Variants in RBFOX3 observed in about 807,000 individuals in gnomAD.
RBFOX3 encodes RNA binding protein fox-1 homolog 3.
RBFOX3 carries 17 observed loss-of-function variants against 48.7 expected under a neutral mutation model. The ratio of observed to expected loss-of-function variants is 0.35; its 90% CI spans 0.24 to 0.52. RBFOX3 has a LOEUF of 0.52. Among genes scored for constraint, RBFOX3 ranks in the 20% least tolerant of loss-of-function variants. The pLI, the probability that RBFOX3 is intolerant of heterozygous loss-of-function variation, is 0.94. For missense variants in RBFOX3, 382 were observed against 497.5 expected, an observed-to-expected ratio of 0.77 and a Z score of 2.21; for synonymous variants, 212 against 209.5, an observed-to-expected ratio of 1.01 and a Z score of -0.10.
intron 4 of RBFOX3, among the ~76,000 whole-genome samples, chr17:79,232,707 A>G (rs1567886348): frequency 6.6e-6 from 1 of 151,654 alleles, no homozygotes; most frequent in African/African-American, 2.4e-5. Context: ...GCGAAAAAAA[A>G]TCTCTTTACT....
chr17:79,267,263 G>A (rs985480037), intron 3 of RBFOX3, among the ~76,000 whole-genome samples: 4 of 152,118 alleles, frequency 2.6e-5, no homozygotes, highest in Admixed American at 2.0e-4. Context: ...ACTCTTTGGC[G>A]GGTCGCTGAA....
chr17:79,589,045 G>A (rs1245154843), intron 1 of RBFOX3, among the ~76,000 whole-genome samples: 1 of 151,842 alleles, frequency 6.6e-6, no homozygotes, highest in Non-Finnish European at 1.5e-5. Context: ...CTTGGACCTG[G>A]GCCATATAGT....
the RBFOX3 span, among the ~76,000 whole-genome samples, chr17:79,630,375 T>A: frequency 5.9e-5 from 9 of 152,160 alleles, no homozygotes; most frequent in South Asian, 1.9e-3. Flanking sequence ...ATTGTTGCTG[T>A]TGTTTTTATT....
intron 2 of RBFOX3, among the ~76,000 whole-genome samples, chr17:79,379,552 C>T (rs2059628898): frequency 6.6e-6 from 1 of 152,136 alleles, no homozygotes; most frequent in South Asian, 2.1e-4. Flanking sequence ...TCATTTTAAC[C>T]AGAGAGAATT....
At chr17:79,437,600 T>C (rs1244201188) in intron 2 of RBFOX3, among the ~76,000 whole-genome samples, 1 of 152,136 alleles carries the variant, frequency 6.6e-6, no homozygotes, top group Admixed American at 6.5e-5. Context: ...GATAGATCCA[T>C]GTGGGGATGG....
At chr17:79,112,918 G>GGGGGGGGGGGGC (rs2032478069) in intron 5 of RBFOX3, among the ~76,000 whole-genome samples, 2 of 86,486 alleles carry the variant, frequency 2.3e-5, no homozygotes, top group African/African-American at 4.8e-5. Flanking sequence ...GGGGGGGTGG[G>GGGGGGGGGGGGC]CTGGGTAGGA....
chr17:79,258,639 G>A (rs1007840371), intron 3 of RBFOX3, among the ~76,000 whole-genome samples: 1 of 152,214 alleles, frequency 6.6e-6, no homozygotes, highest in Non-Finnish European at 1.5e-5. Context: ...GTGGGACAGG[G>A]AACGTGGCGA....
rs1052201550 is a variant in RBFOX3 at position 79,243,202 on chromosome 17, G to T, written c.-73-7397C>A. Among the ~76,000 whole-genome samples the T allele has an allele frequency of 9.9e-5, 15 of 152,024 alleles. No individual in the cohort carries two copies. The highest frequency in any genetic ancestry group is 2.1e-4 in the South Asian group (1 of 4,830). On this transcript the variant is annotated intron_variant, in intron 3 of 14. Coordinates refer to ENST00000693108, the MANE Select transcript of RBFOX3 (RefSeq NM_001350451.2). This position sits in a 1 kb window ranked among gnomAD's most constrained non-coding sequence, Gnocchi z 7.9. ...TGGTAGCGGTTGCAGCTGAGTTTGC[G>T]CGAGACCCACCTGACCACAACCTTG...
intron 1 of RBFOX3, chr17:79,602,050 CCTT>C (rs2093716703): frequency 6.6e-6 from 1 of 152,342 alleles, no homozygotes; most frequent in African/African-American, 2.4e-5. Context: ...CTAGGTGTAT[CCTT>C]CTCAGCTGTC....
At chr17:79,660,598 T>C in the RBFOX3 span, among the ~76,000 whole-genome samples, 1 of 152,028 alleles carries the variant, frequency 6.6e-6, no homozygotes, top group Non-Finnish European at 1.5e-5. Context: ...CAACAAGACT[T>C]CTTCTCACAC....
rs149909825 is a variant in RBFOX3, at chr17:79,425,713, C to T, written c.-175+56741G>A. Among the ~76,000 whole-genome samples the T allele has an allele frequency of 4.5e-4, 69 of 152,218 alleles. 1 individual carries two copies. In the East Asian group the frequency reaches 0.013, roughly 28 times the overall value. On this transcript the variant is annotated intron_variant, in intron 2 of 14. Coordinates refer to ENST00000693108, the MANE Select transcript of RBFOX3 (RefSeq NM_001350451.2). ...AAGACAGGAGGGCCACGAATTCCGA[C>T]TTAGAAGGCGGCAAGAGCAGAGGGA... is the stretch of plus-strand genomic sequence containing the variant.
rs2066759993 is a variant in RBFOX3, at chr17:79,423,275, G to A, written c.-175+59179C>T. Among the ~76,000 whole-genome samples the A allele has an allele frequency of 6.6e-6, 1 of 152,172 alleles. No individual in the cohort carries two copies. The highest frequency in any genetic ancestry group is 1.5e-5 in the Non-Finnish European group (1 of 68,026). ...GGTACAAGTTCGTGGCATTGTCCTG[G>A]ATTCCTTGACCGTCCTCGCCACGCC... On this transcript the variant is annotated intron_variant, in intron 2 of 14. Transcript: ENST00000693108. The surrounding 1 kb of genome is among the most constrained non-coding windows in gnomAD (Gnocchi z 4.9).
chr17:79,262,181 G>T (rs901296933), intron 3 of RBFOX3, among the ~76,000 whole-genome samples: 7 of 152,390 alleles, frequency 4.6e-5, no homozygotes, highest in African/African-American at 1.4e-4. Flanking sequence ...ACACAATGTG[G>T]CTAAGCGGCG....
At chr17:79,257,125 A>G (rs949872414) in intron 3 of RBFOX3, among the ~76,000 whole-genome samples, 9 of 152,062 alleles carry the variant, frequency 5.9e-5, no homozygotes, top group Non-Finnish European at 1.2e-4. Flanking sequence ...AGAGGGTAGC[A>G]CTGGGAAGCC....
chr17:79,648,507 G>A, the RBFOX3 span, among the ~76,000 whole-genome samples: 1 of 152,204 alleles, frequency 6.6e-6, no homozygotes, highest in African/African-American at 2.4e-5. Context: ...TGGTAAGGAG[G>A]CTGTGCCTGA....
chr17:79,197,704 A>G (rs2055930149), intron 4 of RBFOX3, among the ~76,000 whole-genome samples: 1 of 151,996 alleles, frequency 6.6e-6, no homozygotes, highest in Admixed American at 6.6e-5. Flanking sequence ...CAGAAAACAG[A>G]TATTTCTTTC....
intron 4 of RBFOX3, among the ~76,000 whole-genome samples, chr17:79,164,502 G>C (rs1432328685): frequency 6.6e-6 from 1 of 152,204 alleles, no homozygotes; most frequent in Non-Finnish European, 1.5e-5. Context: ...TTCAGTCTTG[G>C]GGGGAGGTGT....
At chr17:79,570,449 A>C (rs1325319437) in intron 1 of RBFOX3, among the ~76,000 whole-genome samples, 1 of 152,148 alleles carries the variant, frequency 6.6e-6, no homozygotes, top group Non-Finnish European at 1.5e-5. Context: ...TGGATAATAT[A>C]TGGAGGATGA....
intron 2 of RBFOX3, among the ~76,000 whole-genome samples, chr17:79,353,898 A>G (rs1024645084): frequency 6.6e-6 from 1 of 151,812 alleles, no homozygotes; most frequent in African/African-American, 2.4e-5. Flanking sequence ...CTGAGGTCCC[A>G]CCCCCGCGTT....
Sources: allele counts gnomAD v4.1 joint callset (sites outside exome capture counted in the v4.1 genomes callset), GRCh38; gene constraint gnomAD v4.1.1; non-coding constraint Gnocchi (gnomAD v3.1); transcripts MANE v1.5; gene names NCBI Gene and HGNC (gene_info 2026-07-23, HGNC 2026-07-21).